DMD: variants seen among roughly 807,000 people sequenced by gnomAD.
The protein encoded by DMD is dystrophin.
A neutral mutation model predicts 330.1 loss-of-function variants in DMD; 63 were observed. The ratio of observed to expected loss-of-function variants is 0.19; its 90% confidence interval spans 0.16 to 0.24. DMD has a LOEUF of 0.24. Among genes scored for constraint, DMD ranks in the 10% least tolerant of loss-of-function variants. The pLI is 1.00. For synonymous variants in DMD, 1,223 were observed against 959.8 expected (o/e 1.27, Z -5.07); for missense variants, 3,344 against 2,684.1 (o/e 1.25, Z -5.43).
At chrX:31,836,675 C>A (rs1358068238) in intron 49 of DMD, 43 bp downstream of exon 49, 1 of 1,000,730 alleles carries the variant, frequency 1.0e-6, no homozygotes, top group Admixed American at 2.2e-5. Flanking sequence ...GGAAGCATAA[C>A]CCATTATGAG....
chrX:31,226,309 ATCTT>A (rs1361567248), intron 63 of DMD, among the ~76,000 whole-genome samples: 4 of 112,119 alleles, frequency 3.6e-5, no homozygotes, highest in African/African-American at 1.3e-4. Flanking sequence ...TTGTTTTTCT[ATCTT>A]TCTATCTTCC....
intron 1 of DMD, among the ~76,000 whole-genome samples, chrX:33,036,424 G>C (rs1225001876): frequency 9.0e-6 from 1 of 110,658 alleles, no homozygotes; most frequent in Non-Finnish European, 1.9e-5. Flanking sequence ...TGTCTTCTTT[G>C]TTCCCATAAA....
At chrX:31,347,441 CTA>C (rs1415389259) in intron 61 of DMD, among the ~76,000 whole-genome samples, 1 of 111,382 alleles carries the variant, frequency 9.0e-6, no homozygotes, top group Non-Finnish European at 1.9e-5. Flanking sequence ...TCATTCTATT[CTA>C]TGTTTATTAT....
intron 1 of DMD, chrX:33,159,572 G>T (rs1422525475): frequency 8.9e-6 from 1 of 111,859 alleles, no homozygotes; most frequent in Non-Finnish European, 1.9e-5. Context: ...TGATGAGAAT[G>T]ATGGTTTCCA....
At chrX:31,660,350 G>T (rs762674546) in intron 53 of DMD, among the ~76,000 whole-genome samples, 2 of 112,234 alleles carry the variant, frequency 1.8e-5, no homozygotes, top group African/African-American at 6.5e-5. Context: ...CCAAAGGCTT[G>T]CCTTTTCTAG....
rs373867961 is a variant in DMD, at chrX:32,821,621, T to A, written c.357+1674A>T. 5.5e-3 allele frequency among the ~76,000 whole-genome samples: 572 copies of A among 103,722 alleles called. 2 individuals carry two copies. Among genetic ancestry groups the A allele is most frequent in the African/African-American group, 0.021 (533 of 24,978 alleles). The allele number at this position is 103,722 out of a possible 115,157, so 90.1% of individuals were successfully genotyped here. A position where few individuals can be genotyped will look rare whatever the true frequency, so the allele number is the denominator to read the frequency against. ...AATAAAAAAAAATAAAAATAAAAAA[T>A]AAAAAAATTCAAGTTTACCGAATGA... On this transcript the variant is annotated intron_variant, in intron 5 of 78. Coordinates refer to ENST00000357033, the MANE Select transcript of DMD (RefSeq NM_004006.3).
chrX:31,585,323 C>CA (rs1213158531), intron 55 of DMD, among the ~76,000 whole-genome samples: 2,487 of 35,574 alleles, frequency 0.07, 170 homozygotes, highest in African/African-American at 0.18. Flanking sequence ...GACCCTGTCT[C>CA]AAAAAAAAAA....
intron 48 of DMD, among the ~76,000 whole-genome samples, chrX:31,859,950 T>C (rs1052589666): frequency 2.7e-5 from 3 of 112,002 alleles, no homozygotes; most frequent in Non-Finnish European, 5.6e-5. Context: ...AGCCATCCCC[T>C]GGGCATTATA....
chrX:31,951,122 CATATAT>C (rs767693982), intron 45 of DMD, among the ~76,000 whole-genome samples: 1 of 65,373 alleles, frequency 1.5e-5, no homozygotes, highest in Non-Finnish European at 2.8e-5. Flanking sequence ...TATATATATA[CATATAT>C]ATATATATAT....
intron 13 of DMD, among the ~76,000 whole-genome samples, chrX:32,584,087 C>G (rs1356997531): frequency 9.0e-6 from 1 of 110,720 alleles, no homozygotes; most frequent in Non-Finnish European, 1.9e-5. Context: ...ATATTTTAAA[C>G]TAAAATAAAT....
At chrX:32,208,989 T>TA (rs924838734) in intron 44 of DMD, among the ~76,000 whole-genome samples, 1 of 111,904 alleles carries the variant, frequency 8.9e-6, no homozygotes, top group African/African-American at 3.2e-5. Flanking sequence ...GGTAATACAA[T>TA]AAAAGTATCA....
In DMD at chrX:31,715,416, G is replaced by A. The variant is rs1231588260; in HGVS notation, c.7660+14215C>T. On this transcript the variant is annotated intron_variant, in intron 52 of 78. Coordinates refer to ENST00000357033, the MANE Select transcript of DMD (RefSeq NM_004006.3). ...AAATTAGCCGGGCATGGTGGCGCGC[G>A]CCTGTAGTCCCAGCTACACGGGAGG... Among the ~76,000 whole-genome samples, 6 of 104,463 alleles carry A rather than the reference G, an allele frequency of 5.7e-5. No individual in the cohort carries two copies. The South Asian group carries it at 1.4e-3, about 24-fold the overall frequency. 90.7% of individuals were successfully genotyped at this position (104,463 alleles called of 115,157 possible). A position where few individuals can be genotyped will look rare whatever the true frequency, so the allele number is the denominator to read the frequency against.
chrX:32,831,514 G>A (rs2079142945), intron 4 of DMD, among the ~76,000 whole-genome samples: 1 of 110,609 alleles, frequency 9.0e-6, no homozygotes, highest in Admixed American at 9.7e-5. Flanking sequence ...GTCAGAATGA[G>A]GGGCATGTAA....
At chrX:32,720,205 C>A (rs1055901771) in intron 7 of DMD, among the ~76,000 whole-genome samples, 2 of 110,344 alleles carry the variant, frequency 1.8e-5, no homozygotes, top group East Asian at 2.8e-4. Context: ...TTGTTGTTAC[C>A]TTTTCTAATT....
chrX:32,606,479 C>T (rs765064951), intron 12 of DMD, among the ~76,000 whole-genome samples: 1 of 109,550 alleles, frequency 9.1e-6, no homozygotes, highest in East Asian at 2.9e-4. Context: ...TTAATATAAA[C>T]ATTATGTAAA....
At chrX:33,021,176 A>G (rs921187493) in intron 1 of DMD, among the ~76,000 whole-genome samples, 2 of 111,207 alleles carry the variant, frequency 1.8e-5, no homozygotes, top group African/African-American at 6.5e-5. Flanking sequence ...TTACATATAA[A>G]TACTCAAAGA....
At chrX:32,968,071 T>A (rs750447014) in intron 2 of DMD, among the ~76,000 whole-genome samples, 78 of 112,085 alleles carry the variant, frequency 7.0e-4, no homozygotes, top group African/African-American at 2.5e-3. Flanking sequence ...ATCTTTGTAT[T>A]TTAGGCATGG....
intron 7 of DMD, among the ~76,000 whole-genome samples, chrX:32,713,256 T>A (rs768102264): frequency 8.9e-6 from 1 of 111,835 alleles, no homozygotes; most frequent in East Asian, 2.8e-4. Flanking sequence ...TTCAGTGTGC[T>A]CACCCTGAAC....
intron 9 of DMD, among the ~76,000 whole-genome samples, chrX:32,647,375 AGT>A (rs771860791): frequency 9.0e-6 from 1 of 111,505 alleles, no homozygotes; most frequent in African/African-American, 3.3e-5. Flanking sequence ...ATATGGCGTA[AGT>A]GTGTTATGTC....
Sources: allele counts gnomAD v4.1 joint callset (sites outside exome capture counted in the v4.1 genomes callset), GRCh38; gene constraint gnomAD v4.1.1; transcripts MANE v1.5; gene names NCBI Gene and HGNC (gene_info 2026-07-23, HGNC 2026-07-21).